LPIN1: variants seen among roughly 807,000 people sequenced by gnomAD.
LPIN1 encodes the protein phosphatidate phosphatase LPIN1.
In LPIN1, 71 loss-of-function variants were observed where a neutral mutation model predicts 107.5. That is an observed-to-expected ratio of 0.66 (90% confidence interval 0.55 to 0.80). The LOEUF is 0.80. Ranked by LOEUF, LPIN1 falls within the 30% of genes least tolerant of loss-of-function variation. The pLI is 0.00. For synonymous variants in LPIN1, 445 were observed against 452.6 expected (o/e 0.98, Z 0.21); for missense variants, 1,043 against 1,160.6 (o/e 0.90, Z 1.47).
chr2:11,692,195 G>A lies in LPIN1; in HGVS notation c.81+14467G>A, dbSNP rs141435725. 4.6e-3 allele frequency among the ~76,000 whole-genome samples: 695 copies of A among 152,354 alleles called. 2 individuals are homozygous for A. Among genetic ancestry groups the A allele is most frequent in the African/African-American group, 0.016 (646 of 41,584 alleles). On this transcript the variant is annotated intron_variant, in intron 1 of 21. Coordinates refer to the LPIN1 transcript ENST00000449576. ...AATGCTGGCATATGTAAAGCAAAAA[G>A]GCATCTGTCCTTACTGCCCCAGGGA...
At chr2:11,741,294 CGA>C in intron 1 of LPIN1, 1 of 1,247,272 alleles carries the variant, frequency 8.0e-7, no homozygotes, top group Non-Finnish European at 1.1e-6. Context: ...TTTTCATTCT[CGA>C]GAGACACTGG....
chr2:11,712,105 C>G (rs970006861), intron 1 of LPIN1, among the ~76,000 whole-genome samples: 4 of 152,266 alleles, frequency 2.6e-5, no homozygotes, highest in Non-Finnish European at 4.4e-5. Flanking sequence ...CCATGCCGGC[C>G]TCACTCACCC....
intron 1 of LPIN1, among the ~76,000 whole-genome samples, chr2:11,710,788 G>A (rs971062293): frequency 1.3e-5 from 2 of 151,992 alleles, no homozygotes; most frequent in South Asian, 2.1e-4. Flanking sequence ...GGCTTCCACC[G>A]TGACTGCCAA....
Position 11,827,235 on chromosome 2 carries a change from C to T in LPIN1, c.*2444C>T, listed in dbSNP as rs1216894284. 1.3e-5 allele frequency: 2 copies of T among 152,508 alleles called. No individual in the cohort carries two copies. The highest frequency in any genetic ancestry group is 2.9e-5 in the Non-Finnish European group (2 of 68,016). 9.4% of individuals were successfully genotyped at this position (152,508 alleles called of 1,614,324 possible). A position where few individuals can be genotyped will look rare whatever the true frequency, so the allele number is the denominator to read the frequency against. ...ATAATTACACTTTCAAAGAGAATTCCCTTTGCAATTTTATGTTTGGATCAC... is the reference window on the plus strand; with the variant it reads ...ATAATTACACTTTCAAAGAGAATTCTCTTTGCAATTTTATGTTTGGATCAC... On this transcript the variant is annotated 3_prime_UTR_variant, in exon 21 of 21. Coordinates refer to ENST00000674199, the MANE Select transcript of LPIN1 (RefSeq NM_001349206.2). The surrounding 1 kb of genome is among the most constrained non-coding windows in gnomAD (Gnocchi z 4.1).
rs1553298763 is a variant in LPIN1 at position 11,814,510 on chromosome 2, GCA to G, written c.2250-577_2250-576del. Among the ~76,000 whole-genome samples, 692 of 135,866 alleles carry G rather than the reference GCA, an allele frequency of 5.1e-3. 8 individuals are homozygous for G. Among genetic ancestry groups the G allele is most frequent in the African/African-American group, 0.018 (656 of 35,634 alleles). 89.1% of individuals were successfully genotyped at this position (135,866 alleles called of 152,430 possible). On this transcript the variant is annotated intron_variant, in intron 17 of 20. Transcript: ENST00000674199. ...AGACTAAGGATGTTTTGGTGTGTGT[GCA>G]TGTGTGTGTGTGTGTGTGTGTGTGT...
chr2:11,699,443 G>A (rs1662754560), intron 1 of LPIN1, among the ~76,000 whole-genome samples: 1 of 152,126 alleles, frequency 6.6e-6, no homozygotes, highest in South Asian at 2.1e-4. Flanking sequence ...GTCCCTGGGG[G>A]GGGCGTGCGG....
At chr2:11,742,782 C>A (rs995416768), upstream of LPIN1, among the ~76,000 whole-genome samples, 3 of 152,268 alleles carry the variant, frequency 2.0e-5, no homozygotes, top group Non-Finnish European at 4.4e-5. Context: ...GCGTTCCAGA[C>A]CCCCTCTGGC....
At chr2:11,688,661 A>C (rs537457028) in intron 1 of LPIN1, among the ~76,000 whole-genome samples, 1 of 152,276 alleles carries the variant, frequency 6.6e-6, no homozygotes, top group Non-Finnish European at 1.5e-5. Flanking sequence ...GCCCCTCGCC[A>C]CAGGGGAGTG....
At chr2:11,761,159 G>A (rs1669762173) in intron 1 of LPIN1, among the ~76,000 whole-genome samples, 1 of 147,940 alleles carries the variant, frequency 6.8e-6, no homozygotes, top group Admixed American at 6.6e-5. Flanking sequence ...AATACTGCTT[G>A]CACGTAGTTT....
At chr2:11,776,661 A>T (rs1480247440) in intron 6 of LPIN1, among the ~76,000 whole-genome samples, 3 of 152,238 alleles carry the variant, frequency 2.0e-5, no homozygotes, top group Non-Finnish European at 4.4e-5. Flanking sequence ...GGGCTGTCTG[A>T]ATAATGGAGT....
intron 14 of LPIN1, among the ~76,000 whole-genome samples, chr2:11,798,633 T>C (rs566720966): frequency 6.6e-6 from 1 of 152,270 alleles, no homozygotes; most frequent in South Asian, 2.1e-4. Context: ...TGGTTCCTTA[T>C]CAAACCTGAA....
chr2:11,804,748 T>TA (rs1041242299), intron 16 of LPIN1, among the ~76,000 whole-genome samples, 177 bp downstream of exon 16: 1 of 152,162 alleles, frequency 6.6e-6, no homozygotes, highest in African/African-American at 2.4e-5. Context: ...GTTTAGGGCT[T>TA]AGTTGTTTCC....
At chr2:11,743,152 C>A (rs369881411), upstream of LPIN1, among the ~76,000 whole-genome samples, 9 of 152,344 alleles carry the variant, frequency 5.9e-5, no homozygotes, top group East Asian at 1.2e-3. The surrounding 1 kb of genome is among the most constrained non-coding windows in gnomAD (Gnocchi z 4.7). Context: ...GGTCTGCTCC[C>A]CTTTGTAGCC....
chr2:11,697,736 G>T lies in LPIN1; in HGVS notation c.82-16020G>T, dbSNP rs112603466. On this transcript the variant is annotated intron_variant, in intron 1 of 21. Transcript: ENST00000449576. This position sits in a 1 kb window ranked among gnomAD's most constrained non-coding sequence, Gnocchi z 4.6. ...GAGTCATCCTGTTGGCCTTGCTGGT[G>T]TGTGAGTGCTGGCAGAGTCTGGGTA... Among the ~76,000 whole-genome samples, 1 of 152,218 alleles carries T rather than the reference G, an allele frequency of 6.6e-6. No homozygotes were observed. Among genetic ancestry groups the T allele is most frequent in the African/African-American group, 2.4e-5 (1 of 41,466 alleles).
intron 6 of LPIN1, 132 bp downstream of exon 6, chr2:11,776,325 A>T: frequency 2.0e-6 from 1 of 500,044 alleles, no homozygotes. Flanking sequence ...TGAAGTGAAA[A>T]TTTTGATTTA....
intron 2 of LPIN1, among the ~76,000 whole-genome samples, chr2:11,714,599 A>C (rs1285384636): frequency 6.6e-6 from 1 of 152,158 alleles, no homozygotes; most frequent in Non-Finnish European, 1.5e-5. Flanking sequence ...GGCATCATGT[A>C]ATTTGCTACA....
chr2:11,755,435 G>A (rs888250582), intron 1 of LPIN1, among the ~76,000 whole-genome samples: 6 of 152,152 alleles, frequency 3.9e-5, no homozygotes, highest in East Asian at 3.8e-4. Flanking sequence ...GGCAGGTACC[G>A]CGTCAGAAAT....
rs188498804 is a variant in LPIN1 at position 11,759,255 on chromosome 2, C to T, written c.-9-6278C>T. On this transcript the variant is annotated intron_variant, in intron 1 of 20. Transcript: ENST00000674199. ...AGGGGGATTTGGCAGGGTCATAGGA[C>T]AACAGTGGAGGGAAGGTCAGCAGAT... is the stretch of plus-strand genomic sequence containing the variant. 4.4e-3 allele frequency among the ~76,000 whole-genome samples: 659 copies of T among 150,990 alleles called. 2 individuals are homozygous for T. Among genetic ancestry groups the T allele is most frequent in the Non-Finnish European group, 7.0e-3 (476 of 67,894 alleles).
chr2:11,693,817 T>TAC (rs1662425960), intron 1 of LPIN1, among the ~76,000 whole-genome samples: 1 of 32,372 alleles, frequency 3.1e-5, no homozygotes, highest in African/African-American at 7.7e-5. Context: ...TATATATATA[T>TAC]ATATATTTTT....
Sources: gnomAD v4.1 joint callset for allele counts (sites outside exome capture counted in the v4.1 genomes callset) on GRCh38, gnomAD v4.1.1 for gene constraint, Gnocchi (gnomAD v3.1) non-coding constraint, MANE v1.5 for transcripts, NCBI Gene and HGNC (gene_info 2026-07-23, HGNC 2026-07-21) for gene names.